MTCL3: variants seen among roughly 807,000 people sequenced by gnomAD.
MTCL3 encodes microtubule cross-linking factor 3.
At chr6:127,510,541 A>G in the MTCL3 span, among the ~76,000 whole-genome samples, 1 of 152,200 alleles carries the variant, frequency 6.6e-6, no homozygotes, top group African/African-American at 2.4e-5. Context: ...TGGAAGTAAA[A>G]TGAAAATCAG....
chr6:127,513,680 A>G, the MTCL3 span, among the ~76,000 whole-genome samples: 1 of 152,140 alleles, frequency 6.6e-6, no homozygotes, highest in Non-Finnish European at 1.5e-5. Context: ...TTGGAAGAAA[A>G]GTGGAGCAGA....
the MTCL3 span, among the ~76,000 whole-genome samples, chr6:127,492,345 A>G: frequency 9.5e-3 from 1,454 of 152,318 alleles, 25 homozygotes; most frequent in African/African-American, 0.033. Flanking sequence ...CTAGGCTAAT[A>G]AATTTAGTTC....
chr6:127,475,182 G>A, the MTCL3 span: 1 of 1,208,800 alleles, frequency 8.3e-7, no homozygotes, highest in Non-Finnish European at 1.1e-6. This position sits in a 1 kb window ranked among gnomAD's most constrained non-coding sequence, Gnocchi z 7.3. Context: ...CCCTGAGCGG[G>A]GGCTTCCCTC....
At chr6:127,494,824 C>G in the MTCL3 span, among the ~76,000 whole-genome samples, 1 of 152,158 alleles carries the variant, frequency 6.6e-6, no homozygotes, top group East Asian at 1.9e-4. Flanking sequence ...ATGTATTATA[C>G]TTGGTTGGCA....
At chr6:127,493,199 T>C in the MTCL3 span, among the ~76,000 whole-genome samples, 441 of 152,282 alleles carry the variant, frequency 2.9e-3, 1 homozygote, top group Non-Finnish European at 2.7e-3. Context: ...TTCCAAAATT[T>C]CCTACTTATG....
At chr6:127,515,626 C>T in the MTCL3 span, 6 of 1,418,742 alleles carry the variant, frequency 4.2e-6, no homozygotes, top group East Asian at 2.9e-5. The surrounding 1 kb of genome is among the most constrained non-coding windows in gnomAD (Gnocchi z 4.3). Context: ...CGCCTGCATG[C>T]CCCCGCCGCT....
the MTCL3 span, among the ~76,000 whole-genome samples, chr6:127,491,878 C>CAAAAAAAA: frequency 1.6e-5 from 1 of 60,772 alleles, no homozygotes. Context: ...GACCCTGTCT[C>CAAAAAAAA]AAAAAAAAAA....
the MTCL3 span, chr6:127,513,158 C>T: frequency 2.0e-6 from 2 of 1,015,336 alleles, no homozygotes; most frequent in Non-Finnish European, 2.8e-6. Context: ...ATGGTGTTTA[C>T]CATGTGCCAG....
chr6:127,515,526 GT>G, the MTCL3 span: 1 of 1,450,624 alleles, frequency 6.9e-7, no homozygotes, highest in Non-Finnish European at 9.0e-7. The surrounding 1 kb of genome is among the most constrained non-coding windows in gnomAD (Gnocchi z 4.3). Context: ...TGAGAGTCTC[GT>G]TTTCCTCTCG....
chr6:127,504,516 G>T, the MTCL3 span, among the ~76,000 whole-genome samples: 1 of 152,166 alleles, frequency 6.6e-6, no homozygotes, highest in Non-Finnish European at 1.5e-5. Flanking sequence ...ACTACTGGGA[G>T]CAAGGCCATT....
the MTCL3 span, among the ~76,000 whole-genome samples, chr6:127,506,192 T>C: frequency 6.6e-6 from 1 of 152,204 alleles, no homozygotes; most frequent in Non-Finnish European, 1.5e-5. Context: ...ACTATTATCT[T>C]TTCTGTAAAA....
the MTCL3 span, among the ~76,000 whole-genome samples, chr6:127,494,148 T>TAAAA: frequency 6.6e-6 from 1 of 152,226 alleles, no homozygotes; most frequent in Non-Finnish European, 1.5e-5. Context: ...ATCTGCCCTT[T>TAAAA]TCCTAGTGTA....
chr6:127,500,849 G>T, the MTCL3 span, among the ~76,000 whole-genome samples: 2 of 152,006 alleles, frequency 1.3e-5, no homozygotes, highest in South Asian at 2.1e-4. Context: ...ATCTCACTCT[G>T]TTGCCAGGCT....
the MTCL3 span, chr6:127,473,193 A>C: frequency 1.5e-6 from 2 of 1,342,112 alleles, no homozygotes; most frequent in Non-Finnish European, 1.9e-6. Flanking sequence ...GTTACTACAG[A>C]AATTATACTT....
At chr6:127,515,062 G>A in the MTCL3 span, 13 of 1,610,616 alleles carry the variant, frequency 8.1e-6, no homozygotes, top group Non-Finnish European at 1.1e-5. This position sits in a 1 kb window ranked among gnomAD's most constrained non-coding sequence, Gnocchi z 4.3. Flanking sequence ...GGCGGTGACA[G>A]GCCGCGTGTC....
At chr6:127,515,914 G>C in the MTCL3 span, 5 of 1,610,758 alleles carry the variant, frequency 3.1e-6, no homozygotes, top group Non-Finnish European at 4.2e-6. This position sits in a 1 kb window ranked among gnomAD's most constrained non-coding sequence, Gnocchi z 4.3. Flanking sequence ...GCCGCTTCCG[G>C]AGTTTCTGCT....
chr6:127,514,856 C>T, the MTCL3 span: 5 of 1,613,688 alleles, frequency 3.1e-6, no homozygotes, highest in South Asian at 5.5e-5. Context: ...GCAACAGCTC[C>T]CCGTCGATTT....
chr6:127,482,224 G>T, the MTCL3 span, among the ~76,000 whole-genome samples: 1 of 151,964 alleles, frequency 6.6e-6, no homozygotes, highest in Non-Finnish European at 1.5e-5. The surrounding 1 kb of genome is among the most constrained non-coding windows in gnomAD (Gnocchi z 4.1). Flanking sequence ...CACGAGATCC[G>T]AGAACCCTCT....
the MTCL3 span, among the ~76,000 whole-genome samples, chr6:127,482,577 A>G: frequency 3.6e-3 from 548 of 152,238 alleles, 5 homozygotes; most frequent in Admixed American, 7.9e-3. The surrounding 1 kb of genome is among the most constrained non-coding windows in gnomAD (Gnocchi z 4.1). Flanking sequence ...TTCTCCTGAC[A>G]CTATAGGAAC....
Sources: gnomAD v4.1 joint callset for allele counts (sites outside exome capture counted in the v4.1 genomes callset) on GRCh38, gnomAD v4.1.1 for gene constraint, Gnocchi (gnomAD v3.1) non-coding constraint, MANE v1.5 for transcripts, NCBI Gene and HGNC (gene_info 2026-07-23, HGNC 2026-07-21) for gene names.